The following NELL2 variants were observed in gnomAD, a reference collection of about 807,000 sequenced individuals.
NELL2 encodes the protein neural EGFL like 2, also known as protein kinase C-binding protein NELL2.
Under a neutral mutation model 109.6 loss-of-function variants are expected in NELL2, and 41 were observed. The observed-to-expected ratio is 0.37, with a 90% CI of 0.29 to 0.49. The LOEUF (loss-of-function observed/expected upper bound fraction) is 0.49, where lower values mean the gene tolerates loss of function less well. Ranked by LOEUF, NELL2 falls within the 20% of genes least tolerant of loss-of-function variation. The pLI is 0.98. For synonymous variants in NELL2, 355 were observed against 344.7 expected (o/e 1.03, Z -0.33); for missense variants, 900 against 1,008.3 (o/e 0.89, Z 1.45).
chr12:44,668,205 G>C (rs1592299280), intron 12 of NELL2, among the ~76,000 whole-genome samples: 1 of 152,098 alleles, frequency 6.6e-6, no homozygotes, highest in Non-Finnish European at 1.5e-5. Context: ...CTACACACTG[G>C]GGAATAGATG....
intron 12 of NELL2, among the ~76,000 whole-genome samples, chr12:44,683,234 G>C (rs966478553): frequency 6.6e-6 from 1 of 152,234 alleles, no homozygotes; most frequent in African/African-American, 2.4e-5. Context: ...TGTTATTGGT[G>C]TATAAGAATG....
intron 16 of NELL2, among the ~76,000 whole-genome samples, chr12:44,524,706 C>T (rs73096336): frequency 0.039 from 5,932 of 151,900 alleles, 145 homozygotes; most frequent in Admixed American, 0.059. Context: ...TTTATTAGTT[C>T]CCACTTCAAC....
At chr12:44,837,691 T>G (rs1284966250) in intron 2 of NELL2, among the ~76,000 whole-genome samples, 1 of 152,182 alleles carries the variant, frequency 6.6e-6, no homozygotes, top group Non-Finnish European at 1.5e-5. Flanking sequence ...AAAGAAAGTT[T>G]TTTTTTTTTC....
At chr12:44,625,975 A>G (rs1206739121) in intron 13 of NELL2, among the ~76,000 whole-genome samples, 1 of 152,046 alleles carries the variant, frequency 6.6e-6, no homozygotes, top group East Asian at 1.9e-4. Flanking sequence ...TTGGAAAAAA[A>G]AATCAAAGTA....
rs370375332 is a variant in NELL2, at chr12:44,585,431, T to A, written c.1663+21738A>T. 8.9e-3 allele frequency among the ~76,000 whole-genome samples: 1,358 copies of A among 152,124 alleles called. 14 individuals carry two copies. Among genetic ancestry groups the A allele is most frequent in the African/African-American group, 0.031 (1,278 of 41,484 alleles). On this transcript the variant is annotated intron_variant, in intron 15 of 19. Transcript: ENST00000429094. ...ACCCTGGCCAACATGGCGAAACTCC[T>A]TCTTTACTAAAAATACAAAAATTAT...
chr12:44,564,172 G>A (rs1200277424), intron 15 of NELL2, among the ~76,000 whole-genome samples: 3 of 152,142 alleles, frequency 2.0e-5, no homozygotes, highest in African/African-American at 4.8e-5. Flanking sequence ...TTTACCTATA[G>A]TTTTTAGTGA....
intron 2 of NELL2, among the ~76,000 whole-genome samples, chr12:44,840,001 T>C (rs1377559581): frequency 6.6e-6 from 1 of 152,194 alleles, no homozygotes; most frequent in African/African-American, 2.4e-5. Flanking sequence ...CCCGGGCCAC[T>C]CTCCCACATG....
intron 15 of NELL2, among the ~76,000 whole-genome samples, chr12:44,584,292 A>G (rs1208343841): frequency 1.3e-5 from 2 of 152,358 alleles, no homozygotes; most frequent in South Asian, 2.1e-4. Flanking sequence ...TTCACAGATG[A>G]CTGGTCAGCC....
At chr12:44,701,706 A>G (rs1334080237) in intron 12 of NELL2, among the ~76,000 whole-genome samples, 4 of 152,094 alleles carry the variant, frequency 2.6e-5, no homozygotes, top group African/African-American at 7.2e-5. Flanking sequence ...TTCACTTCCT[A>G]TAACTTTCCT....
At chr12:44,729,574 A>AACAAAAC (rs1555206438) in intron 9 of NELL2, among the ~76,000 whole-genome samples, 5,606 of 148,624 alleles carry the variant, frequency 0.038, 349 homozygotes, top group African/African-American at 0.13. Flanking sequence ...TAAAAAAAAA[A>AACAAAAC]AAAACCAAGA....
intron 1 of NELL2, among the ~76,000 whole-genome samples, chr12:44,890,724 T>G (rs1489345939): frequency 1.3e-5 from 2 of 151,438 alleles, no homozygotes; most frequent in Admixed American, 1.3e-4. Flanking sequence ...TTTATTTTTT[T>G]ATTTTATTTT....
At chr12:44,796,739 G>T (rs955692792) in intron 3 of NELL2, among the ~76,000 whole-genome samples, 4 of 151,948 alleles carry the variant, frequency 2.6e-5, no homozygotes, top group Admixed American at 2.6e-4. Context: ...ATATAGCTAG[G>T]AGCCAAAATT....
chr12:44,705,611 C>T (rs1304222695), intron 11 of NELL2, among the ~76,000 whole-genome samples: 1 of 152,070 alleles, frequency 6.6e-6, no homozygotes, highest in Admixed American at 6.6e-5. Flanking sequence ...TTTTATAATG[C>T]CTGAGGGAGA....
At chr12:44,904,483 G>C (rs1453904974) in intron 1 of NELL2, among the ~76,000 whole-genome samples, 2 of 152,282 alleles carry the variant, frequency 1.3e-5, no homozygotes, top group Middle Eastern at 3.4e-3. Context: ...AAGATATCCA[G>C]TGGAATGCTA....
At chr12:44,850,240 GT>G (rs1481132964) in intron 2 of NELL2, among the ~76,000 whole-genome samples, 5 of 152,034 alleles carry the variant, frequency 3.3e-5, no homozygotes, top group African/African-American at 1.2e-4. Flanking sequence ...CTAAAAAATA[GT>G]TTTTTAATTA....
intron 2 of NELL2, among the ~76,000 whole-genome samples, chr12:44,832,792 T>A (rs1225551928): frequency 6.6e-6 from 1 of 152,230 alleles, no homozygotes; most frequent in Non-Finnish European, 1.5e-5. Context: ...AAGACTCTCC[T>A]TTCCCTTTGG....
chr12:44,625,230 G>A (rs1166136425), intron 13 of NELL2, among the ~76,000 whole-genome samples: 2 of 151,664 alleles, frequency 1.3e-5, no homozygotes, highest in African/African-American at 4.8e-5. Context: ...CACCCTGCAT[G>A]GCAGTTGTAT....
intron 9 of NELL2, among the ~76,000 whole-genome samples, chr12:44,773,470 CG>C (rs2136580547): frequency 6.6e-6 from 1 of 151,440 alleles, no homozygotes; most frequent in African/African-American, 2.4e-5. Context: ...AGCGAGGCTC[CG>C]TCTCAAGAAA....
chr12:44,609,581 A>C (rs963447268), intron 14 of NELL2, among the ~76,000 whole-genome samples: 4 of 152,100 alleles, frequency 2.6e-5, no homozygotes, highest in Admixed American at 6.5e-5. Flanking sequence ...TACATTCTAA[A>C]AGTCTAGCTT....
Sources: gnomAD v4.1 joint callset for allele counts (sites outside exome capture counted in the v4.1 genomes callset) on GRCh38, gnomAD v4.1.1 for gene constraint, MANE v1.5 for transcripts, NCBI Gene and HGNC (gene_info 2026-07-23, HGNC 2026-07-21) for gene names.